Variants in CHD8 observed in about 807,000 individuals in gnomAD.
CHD8 encodes the protein chromodomain helicase DNA binding protein 8.
A neutral mutation model predicts 279.2 loss-of-function variants in CHD8; 31 were observed. The ratio of observed to expected loss-of-function variants is 0.11; its 90% CI spans 0.08 to 0.15. The LOEUF (loss-of-function observed/expected upper bound fraction) is 0.15. Among genes scored for constraint, CHD8 ranks in the 10% least tolerant of loss-of-function variants. CHD8 has a pLI of 1.00. For synonymous variants in CHD8, 1,081 were observed against 1,139.6 expected (o/e 0.95, Z 1.04); for missense variants, 2,146 against 3,230.5 (o/e 0.66, Z 8.14).
chr14:21,399,901 T>C (rs1026682063), intron 25 of CHD8, 80 bp downstream of exon 25: 1 of 1,232,940 alleles, frequency 8.1e-7, no homozygotes, highest in Non-Finnish European at 1.2e-6. Context: ...ATCCCAAAGA[T>C]AGCATAAAAT....
chr14:21,424,037 CA>C (rs1424833615), intron 5 of CHD8, among the ~76,000 whole-genome samples: 1 of 152,280 alleles, frequency 6.6e-6, no homozygotes, highest in African/African-American at 2.4e-5. Context: ...TTTATATTAT[CA>C]AGTGTACCAA....
At chr14:21,417,844 ACT>A (rs1378476909) in intron 5 of CHD8, among the ~76,000 whole-genome samples, 6 of 99,016 alleles carry the variant, frequency 6.1e-5, no homozygotes, top group African/African-American at 2.4e-4. Flanking sequence ...ACACAGTGAG[ACT>A]CTCTCAAAAA....
At chr14:21,434,278 C>T (rs1355023409) in intron 1 of CHD8, among the ~76,000 whole-genome samples, 1 of 152,056 alleles carries the variant, frequency 6.6e-6, no homozygotes, top group Non-Finnish European at 1.5e-5. Context: ...CTCTCGACTT[C>T]AGAGGTGAGC....
At position 21,408,404 on chromosome 14, in the gene CHD8, T is replaced by C. The variant is rs754866904; in HGVS notation, c.2638A>G (p.Thr880Ala). 3 of 1,613,996 alleles carry C rather than the reference T, an allele frequency of 1.9e-6. No individual in the cohort carries two copies. Among genetic ancestry groups the C allele is most frequent in the South Asian group, 1.1e-5 (1 of 91,084 alleles). Residue 880 changes from threonine to alanine, a missense_variant, in exon 13 of 38, where the codon ACA (threonine) becomes GCA (alanine). By Grantham distance (58) the Thr-to-Ala change is moderately conservative (BLOSUM62 0). Coordinates refer to ENST00000646647, the MANE Select transcript of CHD8 (RefSeq NM_001170629.2). The surrounding 1 kb of genome is among the most constrained non-coding windows in gnomAD (Gnocchi z 4.3). ...TITNWEREFN[T>A]WTEMNTIVYH... ...ACAATAGTGTTCATTTCTGTCCATG[T>C]ATTAAATTCTCGCTCCCAGTTAGTA...
chr14:21,393,201 T>C lies in CHD8; in HGVS notation c.6373A>G (p.Met2125Val), dbSNP rs377109513. 97 of 1,613,804 alleles carry C rather than the reference T, an allele frequency of 6.0e-5. No individual in the cohort carries two copies. Among genetic ancestry groups the C allele is most frequent in the Middle Eastern group, 1.6e-4 (1 of 6,084 alleles). Residue 2125 changes from methionine to valine, a missense_variant, in exon 33 of 38, where the codon ATG becomes GTG. This residue lies in a region of CHD8 where 513 missense variants were observed against 637.6 expected (regional missense o/e 0.80). Transcript: ENST00000646647. The part of the protein sequence containing the change: ...YDEESLLSLT[M>V]SQDGFPNEDG... ...TCATTTGGGAATCCATCTTGGGACATAGTGAGGGACAGGAGACTCTCTTCA... is the reference window on the plus strand; with the variant it reads ...TCATTTGGGAATCCATCTTGGGACACAGTGAGGGACAGGAGACTCTCTTCA...
At chr14:21,412,486 T>C (rs1247977552) in intron 10 of CHD8, among the ~76,000 whole-genome samples, 1 of 152,140 alleles carries the variant, frequency 6.6e-6, no homozygotes, top group Non-Finnish European at 1.5e-5. Context: ...ATTTAACTAA[T>C]GGTGAGTTCA....
In CHD8 at chr14:21,400,396, A is replaced by G. The variant is rs767678337; in HGVS notation, c.4570+17T>C. 3.8e-6 allele frequency: 6 copies of G among 1,598,722 alleles called. No individual in the cohort carries two copies. In the South Asian group the frequency reaches 5.7e-5, roughly 15 times the overall value. ...ATTAACCTATAGAAAAACATAAAGT[A>G]AAGAGTTGATAATTACCTGAATGAT... is the stretch of plus-strand genomic sequence containing the variant. On this transcript the variant is annotated intron_variant, in intron 23 of 37. Transcript: ENST00000646647. This position sits in a 1 kb window ranked among gnomAD's most constrained non-coding sequence, Gnocchi z 4.2.
chr14:21,407,965 GA>G (rs752558461), intron 13 of CHD8, among the ~76,000 whole-genome samples: 1 of 152,090 alleles, frequency 6.6e-6, no homozygotes, highest in Admixed American at 6.6e-5. Context: ...AAGAGGAAAA[GA>G]AATAAGCTCA....
In CHD8 at chr14:21,426,170, C is replaced by T; in HGVS notation, c.1674G>A (p.Met558Ile). The change falls in exon 5 of 38, where the codon ATG becomes ATA. Residue 558 changes from methionine to isoleucine, a missense_variant. Met to Ile is a conservative substitution (Grantham distance 10, BLOSUM62 1). Around this residue, in one of 26 missense-constraint regions of CHD8, gnomAD observed 123 missense variants for 169.2 expected, o/e 0.73. Transcript: ENST00000646647. ...CATCTTCTCGAGGTGACTGTGCAGG[C>T]ATGACTTCCACATCTGAATTATCAG... ...TSSDNSDVEV[M>I]PAQSPREDEE... is the part of the protein sequence containing the mutation. 1 of 1,612,318 alleles carries T rather than the reference C, an allele frequency of 6.2e-7. No homozygotes were observed. The highest frequency in any genetic ancestry group is 8.5e-7 in the Non-Finnish European group (1 of 1,178,582).
chr14:21,436,850 G>A lies in CHD8; in HGVS notation c.-215-4992C>T, dbSNP rs1889799145. 4.2e-6 allele frequency: 3 copies of A among 712,114 alleles called. No individual in the cohort carries two copies. The South Asian group carries it at 4.3e-5, about 10-fold the overall frequency. The allele number at this position is 712,114 out of a possible 1,614,324, so 44.1% of individuals were successfully genotyped here. On this transcript the variant is annotated intron_variant, in intron 1 of 37. Transcript: ENST00000646647. ...CGAGGTGAGGAAGTGAGGGGTTGAT[G>A]GAGAGGAAAACGCGACTGGGGTGGG... is the stretch of plus-strand genomic sequence containing the variant.
Position 21,446,758 on chromosome 14 carries a change from A to G in CHD8, c.-216+9274T>C, listed in dbSNP as rs58456107. 3.4e-3 allele frequency among the ~76,000 whole-genome samples: 513 copies of G among 152,376 alleles called. 3 individuals carry two copies. The highest frequency in any genetic ancestry group is 0.012 in the African/African-American group (500 of 41,584). On this transcript the variant is annotated intron_variant, in intron 1 of 37. Transcript: ENST00000646647. Reference sequence around the variant, plus strand: ...ATGCAAATTTAGGCAGTGTAGCTCCAGAAGACACATTCTTAACCACCTTAC... The same window carrying G: ...ATGCAAATTTAGGCAGTGTAGCTCCGGAAGACACATTCTTAACCACCTTAC...
At chr14:21,426,513 G>A in intron 4 of CHD8, 1 of 345,928 alleles carries the variant, frequency 2.9e-6, no homozygotes, top group Non-Finnish European at 5.2e-6. Context: ...CAAGATAGGA[G>A]AATAAATACC....
chr14:21,396,990 G>A (rs1374121755), intron 27 of CHD8: 2 of 170,276 alleles, frequency 1.2e-5, no homozygotes, highest in Non-Finnish European at 1.3e-5. Context: ...TGTACCATTC[G>A]TAATTGCTTG....
At chr14:21,425,556 C>G (rs1594372627) in intron 5 of CHD8, 1 of 151,980 alleles carries the variant, frequency 6.6e-6, no homozygotes, top group African/African-American at 2.4e-5. Context: ...AACTCCTGAC[C>G]TCAGGTGATC....
Position 21,385,509 on chromosome 14 carries a change from G to A in CHD8, c.*104C>T. ...TTCCTTTTCACCTCCTGGAGTCCTGGACTTCCCCACATCTCCCCTGCCCCT... is the reference window on the plus strand; with the variant it reads ...TTCCTTTTCACCTCCTGGAGTCCTGAACTTCCCCACATCTCCCCTGCCCCT... On this transcript the variant is annotated 3_prime_UTR_variant, in exon 38 of 38. Transcript: ENST00000646647. 1.4e-6 allele frequency: 2 copies of A among 1,423,632 alleles called. No individual in the cohort carries two copies. The highest frequency in any genetic ancestry group is 2.9e-5 in the Admixed American group (1 of 34,918). The allele number at this position is 1,423,632 out of a possible 1,614,324, so 88.2% of individuals were successfully genotyped here. A position where few individuals can be genotyped will look rare whatever the true frequency, so the allele number is the denominator to read the frequency against.
intron 4 of CHD8, 56 bp downstream of exon 4, chr14:21,427,813 A>C: frequency 6.3e-7 from 1 of 1,576,188 alleles, no homozygotes; most frequent in East Asian, 2.2e-5. Context: ...AATAGCAAGG[A>C]GTACTCACTT....
At chr14:21,441,851 T>C (rs937821299) in intron 1 of CHD8, among the ~76,000 whole-genome samples, 8 of 151,986 alleles carry the variant, frequency 5.3e-5, no homozygotes, top group South Asian at 2.1e-4. Context: ...ATTGCGCCAC[T>C]GCACTCCAGC....
At chr14:21,404,989 A>G (rs1465282418) in intron 16 of CHD8, 10 of 537,352 alleles carry the variant, frequency 1.9e-5, no homozygotes, top group Non-Finnish European at 3.3e-5. Flanking sequence ...CTGCCATCAC[A>G]CCTGGCTAAT....
intron 30 of CHD8, 174 bp from the exon 31 acceptor site, chr14:21,394,659 G>A (rs1429324828): frequency 3.5e-6 from 2 of 567,010 alleles, no homozygotes; most frequent in African/African-American, 2.0e-5. Context: ...ACTCTGTAAT[G>A]AGTAAGAATT....
Sources: gnomAD v4.1 joint callset for allele counts (sites outside exome capture counted in the v4.1 genomes callset) on GRCh38, gnomAD v4.1.1 for gene constraint, gnomAD v4.1.1 regional missense constraint, Gnocchi (gnomAD v3.1) non-coding constraint, MANE v1.5 for transcripts, NCBI Gene and HGNC (gene_info 2026-07-23, HGNC 2026-07-21) for gene names.